The following MAST4 variants were observed in gnomAD, a reference collection of about 807,000 sequenced individuals.
MAST4 encodes microtubule-associated serine/threonine-protein kinase 4.
MAST4 carries 89 observed loss-of-function variants against 162.7 expected under a neutral mutation model. That is an observed-to-expected ratio of 0.55 (90% CI 0.46 to 0.65). MAST4 has a LOEUF of 0.65. MAST4 is among the 30% of genes least tolerant of loss of function. The pLI is 0.00. For missense variants in MAST4, 3,153 were observed against 3,374.0 expected (o/e 0.93, Z 1.62); for synonymous variants, 1,479 against 1,361.1 (o/e 1.09, Z -1.91).
At chr5:66,911,536 T>TACAA (rs1344473268) in intron 4 of MAST4, among the ~76,000 whole-genome samples, 2 of 119,452 alleles carry the variant, frequency 1.7e-5, no homozygotes, top group East Asian at 2.9e-4. Context: ...ACCCTGTCTC[T>TACAA]ACAAACAAAC....
At chr5:67,104,615 C>T (rs960809551) in intron 10 of MAST4, 40 bp downstream of exon 10, 1 of 1,547,196 alleles carries the variant, frequency 6.5e-7, no homozygotes, top group Admixed American at 1.9e-5. Flanking sequence ...ATTTATTTTG[C>T]TTTTCCCTGA....
intron 4 of MAST4, among the ~76,000 whole-genome samples, chr5:67,013,636 A>G (rs1266075172): frequency 6.6e-6 from 1 of 151,834 alleles, no homozygotes; most frequent in Non-Finnish European, 1.5e-5. Context: ...AAATCTGTAG[A>G]AAATCACTGG....
At chr5:66,760,120 T>C (rs181507758) in intron 2 of MAST4, among the ~76,000 whole-genome samples, 1 of 151,276 alleles carries the variant, frequency 6.6e-6, no homozygotes, top group African/African-American at 2.4e-5. Flanking sequence ...TATTTATTTA[T>C]TTATTTTTTG....
At chr5:67,003,987 G>A (rs1278886668) in intron 4 of MAST4, 1 of 152,342 alleles carries the variant, frequency 6.6e-6, no homozygotes, top group East Asian at 1.9e-4. Flanking sequence ...TACAACCAGC[G>A]GCGTCCTGGC....
At chr5:67,069,187 T>C (rs1024928507) in intron 5 of MAST4, among the ~76,000 whole-genome samples, 26 of 151,304 alleles carry the variant, frequency 1.7e-4, no homozygotes, top group African/African-American at 6.3e-4. Flanking sequence ...TCAGGTTAAT[T>C]TTCTTAAAGT....
At chr5:66,928,821 C>A (rs1265829995) in intron 4 of MAST4, among the ~76,000 whole-genome samples, 1 of 152,158 alleles carries the variant, frequency 6.6e-6, no homozygotes, top group Non-Finnish European at 1.5e-5. Flanking sequence ...GGCAAGAGTG[C>A]TCTTCTGTGC....
At chr5:66,930,736 C>T (rs935992762) in intron 4 of MAST4, 2 of 470,748 alleles carry the variant, frequency 4.2e-6, no homozygotes, top group Non-Finnish European at 8.8e-6. Context: ...TCTGGGTTCA[C>T]TGTCTTTCAG....
At chr5:67,025,051 G>A (rs1259919665) in intron 4 of MAST4, among the ~76,000 whole-genome samples, 4 of 152,040 alleles carry the variant, frequency 2.6e-5, no homozygotes, top group Admixed American at 2.6e-4. Context: ...AGACATTGTG[G>A]ATTCTCTCTT....
At chr5:67,088,365 G>A (rs894142546) in intron 5 of MAST4, among the ~76,000 whole-genome samples, 1 of 152,176 alleles carries the variant, frequency 6.6e-6, no homozygotes, top group Non-Finnish European at 1.5e-5. Flanking sequence ...ATCAGTTATT[G>A]TGTTACGCCT....
intron 1 of MAST4, among the ~76,000 whole-genome samples, chr5:66,722,725 C>T (rs1300801389): frequency 6.6e-6 from 1 of 152,152 alleles, no homozygotes; most frequent in Non-Finnish European, 1.5e-5. Flanking sequence ...CCAGCATCCT[C>T]ATTGTACTTA....
chr5:66,979,845 T>A, intron 4 of MAST4, among the ~76,000 whole-genome samples: 1 of 152,256 alleles, frequency 6.6e-6, no homozygotes, highest in East Asian at 1.9e-4. Flanking sequence ...AGTCATTAAG[T>A]GTGTAATTCA....
At chr5:66,610,408 T>G (rs1743214280) in intron 1 of MAST4, among the ~76,000 whole-genome samples, 1 of 152,164 alleles carries the variant, frequency 6.6e-6, no homozygotes, top group South Asian at 2.1e-4. Flanking sequence ...GATGATAAAT[T>G]CCTAGGAATG....
chr5:66,848,158 T>C (rs1759024500), intron 3 of MAST4, among the ~76,000 whole-genome samples: 1 of 152,192 alleles, frequency 6.6e-6, no homozygotes, highest in African/African-American at 2.4e-5. Context: ...TTCTTTTGAA[T>C]ATTCAGAAAT....
rs73765340 is a variant in MAST4 at position 66,797,803 on chromosome 5, T to G, written c.642+9009T>G. Among the ~76,000 whole-genome samples, 1,227 of 152,280 alleles carry G rather than the reference T, an allele frequency of 8.1e-3. 18 individuals carry two copies. Among genetic ancestry groups the G allele is most frequent in the African/African-American group, 0.028 (1,171 of 41,544 alleles). ...GCTTCAAGGCCAAGTGGAAATTGCA[T>G]ACAGTGTGATGGGTGGGGAGTGGTA... On this transcript the variant is annotated intron_variant, in intron 3 of 28. Transcript: ENST00000403625.
At chr5:66,791,743 G>T (rs1274183541) in intron 3 of MAST4, among the ~76,000 whole-genome samples, 3 of 152,198 alleles carry the variant, frequency 2.0e-5, no homozygotes, top group Non-Finnish European at 4.4e-5. Context: ...CTACTAGATA[G>T]TGAAGGTTTA....
At chr5:67,001,866 T>G (rs1255652940) in intron 4 of MAST4, 1 of 152,238 alleles carries the variant, frequency 6.6e-6, no homozygotes, top group Non-Finnish European at 1.5e-5. Context: ...CAAACACTCT[T>G]TCACATAGTT....
chr5:66,705,972 G>T (rs1750100653), intron 1 of MAST4, among the ~76,000 whole-genome samples: 1 of 152,098 alleles, frequency 6.6e-6, no homozygotes. Flanking sequence ...CTTTCCCATG[G>T]TTACACATGA....
At chr5:66,620,722 G>C in intron 1 of MAST4, among the ~76,000 whole-genome samples, 1 of 151,384 alleles carries the variant, frequency 6.6e-6, no homozygotes, top group East Asian at 1.9e-4. Context: ...TCCTGCCTCT[G>C]TGTCTATCTC....
chr5:67,132,216 C>T (rs1452863690), intron 16 of MAST4, among the ~76,000 whole-genome samples: 1 of 151,994 alleles, frequency 6.6e-6, no homozygotes. Context: ...GATACATGTG[C>T]AGAACGTGCA....
Sources: allele counts gnomAD v4.1 joint callset (sites outside exome capture counted in the v4.1 genomes callset), GRCh38; gene constraint gnomAD v4.1.1; transcripts MANE v1.5; gene names NCBI Gene and HGNC (gene_info 2026-07-23, HGNC 2026-07-21).